Variants in FRMD4B observed in about 807,000 individuals in gnomAD.
FRMD4B encodes FERM domain-containing protein 4B.
In FRMD4B, 74 loss-of-function variants were observed where a neutral mutation model predicts 141.5. That is an observed-to-expected ratio of 0.52 (90% CI 0.43 to 0.63). FRMD4B has a LOEUF of 0.63. Ranked by LOEUF, FRMD4B falls within the 30% of genes least tolerant of loss-of-function variation. The probability of loss-of-function intolerance (pLI) is 0.00; values close to 1 mark genes in which losing one functional copy is unlikely to be tolerated. For synonymous variants in FRMD4B, 506 were observed against 467.9 expected (o/e 1.08, Z -1.05); for missense variants, 1,366 against 1,253.4 (o/e 1.09, Z -1.36).
intron 2 of FRMD4B, among the ~76,000 whole-genome samples, chr3:69,432,133 A>C (rs1705191342): frequency 6.6e-6 from 1 of 152,238 alleles, no homozygotes; most frequent in African/African-American, 2.4e-5. Context: ...CTAAGGATAC[A>C]AAGCTCTCCC....
chr3:69,187,325 C>G (rs1412312207), intron 19 of FRMD4B, among the ~76,000 whole-genome samples: 1 of 151,828 alleles, frequency 6.6e-6, no homozygotes, highest in African/African-American at 2.4e-5. Context: ...GCAGGCAGAT[C>G]ACCTGAGGTT....
Position 69,311,252 on chromosome 3 carries a change from A to G in FRMD4B, c.323+11T>C. 2 of 1,303,796 alleles carry G rather than the reference A, an allele frequency of 1.5e-6. No homozygotes were observed. Among genetic ancestry groups the G allele is most frequent in the Non-Finnish European group, 2.2e-6 (2 of 903,866 alleles). The allele number at this position is 1,303,796 out of a possible 1,614,324, so 80.8% of individuals were successfully genotyped here. ...AAAAGGTAAAGAAACTAAAACTATTAAAGGACTTACGTGTCATCTATGAAT... is the reference window on the plus strand; with the variant it reads ...AAAAGGTAAAGAAACTAAAACTATTGAAGGACTTACGTGTCATCTATGAAT... On this transcript the variant is annotated intron_variant, in intron 3 of 22. Coordinates refer to ENST00000398540, the MANE Select transcript of FRMD4B (RefSeq NM_015123.3).
At chr3:69,176,760 A>T (rs9868107) in intron 21 of FRMD4B, 104 bp from the exon 22 acceptor site, 1 of 723,676 alleles carries the variant, frequency 1.4e-6, no homozygotes, top group Non-Finnish European at 2.3e-6. Context: ...TCAGAGGAGA[A>T]ATTTAAGAGG....
At chr3:69,393,274 G>T (rs1704416846) in intron 2 of FRMD4B, among the ~76,000 whole-genome samples, 1 of 146,976 alleles carries the variant, frequency 6.8e-6, no homozygotes, top group African/African-American at 2.5e-5. Flanking sequence ...TCAAATTAAA[G>T]TCTCCTTGCT....
chr3:69,520,187 T>C (rs1450249371), intron 1 of FRMD4B, among the ~76,000 whole-genome samples: 6 of 111,708 alleles, frequency 5.4e-5, no homozygotes, highest in Non-Finnish European at 8.5e-5. Context: ...ATATATATGA[T>C]GGAATATATA....
intron 4 of FRMD4B, among the ~76,000 whole-genome samples, chr3:69,290,872 T>G (rs867618014): frequency 2.6e-5 from 4 of 152,022 alleles, no homozygotes; most frequent in African/African-American, 9.7e-5. Context: ...TTAACCAACA[T>G]CTCCTCCTGG....
At chr3:69,278,609 T>C (rs2093629420) in intron 5 of FRMD4B, among the ~76,000 whole-genome samples, 1 of 151,802 alleles carries the variant, frequency 6.6e-6, no homozygotes, top group Non-Finnish European at 1.5e-5. Flanking sequence ...AATTGCTTTT[T>C]TTTTTTTTGC....
chr3:69,172,536 GT>G (rs1174188693), intron 22 of FRMD4B, among the ~76,000 whole-genome samples: 2 of 152,060 alleles, frequency 1.3e-5, no homozygotes, highest in African/African-American at 4.8e-5. Context: ...AAAGTATATT[GT>G]GACAATCACA....
chr3:69,316,571 A>C (rs541230091), intron 1 of FRMD4B, among the ~76,000 whole-genome samples: 1 of 152,140 alleles, frequency 6.6e-6, no homozygotes, highest in African/African-American at 2.4e-5. Context: ...AGAGAGAAAT[A>C]AAATGTGTCA....
At chr3:69,422,318 G>T (rs542959847) in intron 2 of FRMD4B, among the ~76,000 whole-genome samples, 1 of 151,654 alleles carries the variant, frequency 6.6e-6, no homozygotes, top group African/African-American at 2.4e-5. Context: ...GCTTGAACCC[G>T]GGAGGTTGTA....
chr3:69,229,020 T>G (rs547628775), intron 7 of FRMD4B, among the ~76,000 whole-genome samples: 228 of 148,660 alleles, frequency 1.5e-3, no homozygotes, highest in Non-Finnish European at 2.8e-3. Flanking sequence ...ATCATGTTTT[T>G]TTTTTTTTTT....
At chr3:69,339,034 TTA>T (rs1362811332) in intron 1 of FRMD4B, among the ~76,000 whole-genome samples, 2 of 152,256 alleles carry the variant, frequency 1.3e-5, no homozygotes, top group African/African-American at 4.8e-5. Context: ...GCCATTTGCT[TTA>T]TATTCCTCTA....
chr3:69,211,916 C>T (rs2093084175), intron 11 of FRMD4B, among the ~76,000 whole-genome samples: 1 of 151,948 alleles, frequency 6.6e-6, no homozygotes, highest in Non-Finnish European at 1.5e-5. Context: ...GTAAAACAGC[C>T]TCAATCCTTA....
intron 2 of FRMD4B, among the ~76,000 whole-genome samples, chr3:69,420,226 T>A (rs1262464037): frequency 1.4e-5 from 2 of 146,832 alleles, no homozygotes; most frequent in African/African-American, 5.1e-5. Flanking sequence ...AGAAGGGGCG[T>A]GGCTTGATTA....
chr3:69,277,516 C>CGT (rs1464461463), intron 5 of FRMD4B, among the ~76,000 whole-genome samples: 24 of 60,438 alleles, frequency 4.0e-4, no homozygotes, highest in African/African-American at 1.6e-3. Flanking sequence ...TTTCTTTCTG[C>CGT]TTTTTTTTTT....
intron 1 of FRMD4B, chr3:69,536,708 A>G: frequency 1.5e-6 from 1 of 677,516 alleles, no homozygotes; most frequent in South Asian, 1.5e-5. Context: ...CAGTAGTTTT[A>G]TCCTTCAGTT....
upstream of FRMD4B, among the ~76,000 whole-genome samples, chr3:69,388,821 A>C (rs1704322863): frequency 6.6e-6 from 1 of 152,176 alleles, no homozygotes; most frequent in Non-Finnish European, 1.5e-5. Flanking sequence ...AGTCAGATAA[A>C]ACAGTATAAG....
At chr3:69,414,591 G>T (rs1016031891) in intron 2 of FRMD4B, among the ~76,000 whole-genome samples, 4 of 151,428 alleles carry the variant, frequency 2.6e-5, no homozygotes, top group African/African-American at 9.7e-5. Context: ...CTGGGATTAG[G>T]GTTGAATCAA....
In FRMD4B at chr3:69,368,223, A is replaced by G. The variant is rs113440717; in HGVS notation, c.162+17605T>C. ...TTACAGATGAGGAAACTGAGGCTCA[A>G]ATGGGTTGAGAAACATGCTCTGAGT... On this transcript the variant is annotated intron_variant, in intron 1 of 22. Coordinates refer to ENST00000398540, the MANE Select transcript of FRMD4B (RefSeq NM_015123.3). Among the ~76,000 whole-genome samples the G allele has an allele frequency of 8.1e-4, 123 of 152,326 alleles. 2 individuals are homozygous for G. The highest frequency in any genetic ancestry group is 6.8e-3 in the Middle Eastern group (2 of 294).
Sources: allele counts gnomAD v4.1 joint callset (sites outside exome capture counted in the v4.1 genomes callset), GRCh38; gene constraint gnomAD v4.1.1; transcripts MANE v1.5; gene names NCBI Gene and HGNC (gene_info 2026-07-23, HGNC 2026-07-21).